Variants in PPFIA2 observed in about 807,000 individuals in gnomAD.
PPFIA2 encodes the protein PPFI scaffold protein A2, also known as liprin-alpha-2.
PPFIA2 carries 46 observed loss-of-function variants against 175.5 expected under a neutral mutation model. That is an observed-to-expected ratio of 0.26 (90% CI 0.21 to 0.34). The LOEUF (loss-of-function observed/expected upper bound fraction) is 0.34, where lower values mean the gene tolerates loss of function less well. Among genes scored for constraint, PPFIA2 ranks in the 10% least tolerant of loss-of-function variants. The pLI, the probability that PPFIA2 is intolerant of heterozygous loss-of-function variation, is 1.00. For synonymous variants in PPFIA2, 568 were observed against 511.4 expected (o/e 1.11, Z -1.49); for missense variants, 1,179 against 1,506.1 (o/e 0.78, Z 3.60).
intron 4 of PPFIA2, among the ~76,000 whole-genome samples, chr12:81,506,956 G>C (rs1022793863): frequency 6.6e-6 from 1 of 152,202 alleles, no homozygotes; most frequent in Non-Finnish European, 1.5e-5. Context: ...GGTTACACAA[G>C]AGAATAAGTC....
chr12:81,569,666 T>G (rs2072096409), intron 4 of PPFIA2, among the ~76,000 whole-genome samples: 3 of 152,150 alleles, frequency 2.0e-5, no homozygotes, highest in Admixed American at 6.6e-5. Flanking sequence ...ATTAAACAAG[T>G]TTGGAACATT....
chr12:81,376,857 A>T (rs543604528), intron 9 of PPFIA2, among the ~76,000 whole-genome samples: 1 of 152,138 alleles, frequency 6.6e-6, no homozygotes, highest in African/African-American at 2.4e-5. Context: ...TTCATCACTT[A>T]TTCTTAATCA....
intron 4 of PPFIA2, among the ~76,000 whole-genome samples, chr12:81,605,959 C>A (rs1401606305): frequency 6.6e-6 from 1 of 151,778 alleles, no homozygotes; most frequent in African/African-American, 2.4e-5. Flanking sequence ...TTTCAACCCA[C>A]GCTACACTCC....
Position 81,368,750 on chromosome 12 carries a change from T to C in PPFIA2, c.1457A>G (p.Glu486Gly). Residue 486 changes from glutamate (E) to glycine (G), a missense_variant, in exon 13 of 33, where the codon GAA becomes GGA. Glu to Gly is a moderately conservative substitution (Grantham distance 98, BLOSUM62 -2). Around this residue, in one of 10 missense-constraint regions of PPFIA2, gnomAD observed 66 missense variants for 129.4 expected, o/e 0.51. Coordinates refer to ENST00000549396, the MANE Select transcript of PPFIA2 (RefSeq NM_003625.5). ...CTTTTCTTCTAGAGCAGCCATTCTT[T>C]CCTTTAAGTGTAGTTGTAGGCGTTC... ...SNERLQLHLK[E>G]RMAALEEKNV... 2 of 1,608,762 alleles carry C rather than the reference T, an allele frequency of 1.2e-6. No individual in the cohort carries two copies. The highest frequency in any genetic ancestry group is 1.7e-6 in the Non-Finnish European group (2 of 1,177,330).
rs1407213377 is a variant in PPFIA2, at chr12:81,301,102, G to A, written c.2643-1720C>T. On this transcript the variant is annotated intron_variant, in intron 22 of 32. Coordinates refer to ENST00000549396, the MANE Select transcript of PPFIA2 (RefSeq NM_003625.5). The stretch of plus-strand genomic sequence containing the variant: ...AATAGCCATTGAAGGTGTTGTGAAG[G>A]CATTGTGGCAATGGAGCTGGCTTCG... 2.6e-5 allele frequency among the ~76,000 whole-genome samples: 4 copies of A among 152,036 alleles called. 1 individual carries two copies. The highest frequency in any genetic ancestry group is 9.7e-5 in the African/African-American group (4 of 41,410).
chr12:81,721,310 G>A (rs554281845), intron 3 of PPFIA2, among the ~76,000 whole-genome samples: 9 of 151,274 alleles, frequency 5.9e-5, no homozygotes, highest in Admixed American at 1.3e-4. Flanking sequence ...ATTTTGCTTC[G>A]CATGTATTCT....
intron 4 of PPFIA2, among the ~76,000 whole-genome samples, chr12:81,549,089 G>A (rs1290465378): frequency 6.6e-6 from 1 of 152,054 alleles, no homozygotes; most frequent in Non-Finnish European, 1.5e-5. Flanking sequence ...CACAAGTAGT[G>A]AATCATTTCT....
intron 22 of PPFIA2, among the ~76,000 whole-genome samples, chr12:81,306,895 C>T (rs1014900527): frequency 6.6e-6 from 1 of 152,024 alleles, no homozygotes; most frequent in African/African-American, 2.4e-5. Flanking sequence ...TTCAGTCTTT[C>T]CTCAAATGTC....
chr12:81,643,782 G>A (rs533565548), intron 4 of PPFIA2, among the ~76,000 whole-genome samples: 18 of 152,046 alleles, frequency 1.2e-4, no homozygotes, highest in African/African-American at 3.4e-4. Context: ...CGATTTTGTC[G>A]TAGAAGAGTG....
chr12:81,483,311 C>G (rs956137531), intron 4 of PPFIA2, among the ~76,000 whole-genome samples: 2 of 152,104 alleles, frequency 1.3e-5, no homozygotes, highest in African/African-American at 4.8e-5. Context: ...ACCCAAATAT[C>G]TATTAACTAA....
chr12:81,536,310 AT>A (rs1254361406), intron 4 of PPFIA2, among the ~76,000 whole-genome samples: 2 of 151,640 alleles, frequency 1.3e-5, no homozygotes, highest in African/African-American at 4.8e-5. Context: ...TCACTCTAAC[AT>A]ACTCATAAAT....
intron 4 of PPFIA2, chr12:81,512,435 T>A: frequency 1.1e-6 from 1 of 944,446 alleles, no homozygotes; most frequent in Non-Finnish European, 1.4e-6. Context: ...AATTTTTCTT[T>A]AATCTAAATT....
At chr12:81,365,023 T>C (rs1158490942) in intron 14 of PPFIA2, among the ~76,000 whole-genome samples, 4 of 151,662 alleles carry the variant, frequency 2.6e-5, no homozygotes, top group Non-Finnish European at 4.4e-5. Flanking sequence ...GAGTTGGCAA[T>C]AGAATATATA....
At chr12:81,449,633 CT>C (rs1000276556) in intron 5 of PPFIA2, among the ~76,000 whole-genome samples, 4 of 151,786 alleles carry the variant, frequency 2.6e-5, no homozygotes, top group Non-Finnish European at 4.4e-5. Flanking sequence ...TAAGCCAAGA[CT>C]TTTTTTTATT....
intron 4 of PPFIA2, among the ~76,000 whole-genome samples, chr12:81,653,366 T>A (rs1407638452): frequency 6.6e-6 from 1 of 152,092 alleles, no homozygotes; most frequent in Non-Finnish European, 1.5e-5. Flanking sequence ...TTGTTCCTTG[T>A]CTTAGTATCT....
intron 3 of PPFIA2, chr12:81,687,672 G>A (rs1029098541): frequency 6.6e-6 from 1 of 151,972 alleles, no homozygotes; most frequent in Non-Finnish European, 1.5e-5. Context: ...TACTATCTGT[G>A]TGACCTTAGG....
At chr12:81,651,847 T>A (rs2067074617) in intron 4 of PPFIA2, among the ~76,000 whole-genome samples, 1 of 152,116 alleles carries the variant, frequency 6.6e-6, no homozygotes, top group African/African-American at 2.4e-5. Context: ...ATATTATCTG[T>A]TTTGTTCTTT....
chr12:81,523,042 T>C (rs915865237), intron 4 of PPFIA2, among the ~76,000 whole-genome samples: 3 of 152,140 alleles, frequency 2.0e-5, no homozygotes, highest in Admixed American at 6.5e-5. Context: ...GAGGATTACA[T>C]GAGATTGTTT....
intron 8 of PPFIA2, among the ~76,000 whole-genome samples, chr12:81,391,130 C>T (rs1443109275): frequency 6.6e-6 from 1 of 151,848 alleles, no homozygotes; most frequent in East Asian, 1.9e-4. Context: ...ATATGCATTG[C>T]AATAAAGTAT....
Sources: gnomAD v4.1 joint callset for allele counts (sites outside exome capture counted in the v4.1 genomes callset) on GRCh38, gnomAD v4.1.1 for gene constraint, gnomAD v4.1.1 regional missense constraint, MANE v1.5 for transcripts, NCBI Gene and HGNC (gene_info 2026-07-23, HGNC 2026-07-21) for gene names.